The following TP63 variants were observed in gnomAD, a reference collection of about 807,000 sequenced individuals.
TP63 encodes the protein tumor protein p63.
In TP63, 17 loss-of-function variants were observed where a neutral mutation model predicts 82.8. The observed-to-expected ratio is 0.21, with a 90% confidence interval of 0.14 to 0.31. The LOEUF (loss-of-function observed/expected upper bound fraction) is 0.31, where lower values mean the gene tolerates loss of function less well. TP63 is among the 10% of genes least tolerant of loss of function. TP63 has a pLI of 1.00. For missense variants in TP63, 648 were observed against 895.3 expected, an observed-to-expected ratio of 0.72 and a Z score of 3.52; for synonymous variants, 330 against 321.7, an observed-to-expected ratio of 1.03 and a Z score of -0.28.
chr3:189,645,177 A>T lies in TP63; in HGVS notation c.62+13600A>T, dbSNP rs147756447. ...CCTAAAATGCTTACTTTCAAACTTGAAGGGACTTCAATTATTCCATGTAGT... is the reference window on the plus strand; with the variant it reads ...CCTAAAATGCTTACTTTCAAACTTGTAGGGACTTCAATTATTCCATGTAGT... On this transcript the variant is annotated intron_variant, in intron 1 of 13. Transcript: ENST00000264731. 1.6e-4 allele frequency: 36 copies of T among 224,588 alleles called. No individual in the cohort carries two copies. In the East Asian group the frequency reaches 2.8e-3, roughly 18 times the overall value. 13.9% of individuals were successfully genotyped at this position (224,588 alleles called of 1,614,324 possible). A position where few individuals can be genotyped will look rare whatever the true frequency, so the allele number is the denominator to read the frequency against.
At chr3:189,704,159 G>C (rs1340515835) in intron 1 of TP63, among the ~76,000 whole-genome samples, 1 of 152,210 alleles carries the variant, frequency 6.6e-6, no homozygotes, top group African/African-American at 2.4e-5. Flanking sequence ...GAGCTACAAT[G>C]GTGGGAGAAA....
chr3:189,814,550 A>G (rs938157882), intron 4 of TP63, among the ~76,000 whole-genome samples: 3 of 152,226 alleles, frequency 2.0e-5, no homozygotes, highest in Non-Finnish European at 4.4e-5. Context: ...TGCCACTCCC[A>G]TGATGAAGAA....
chr3:189,769,656 G>A (rs780301573), intron 3 of TP63, among the ~76,000 whole-genome samples: 9 of 152,224 alleles, frequency 5.9e-5, no homozygotes, highest in Non-Finnish European at 8.8e-5. Flanking sequence ...CATATAGGAT[G>A]TATCAAAAGA....
intron 1 of TP63, among the ~76,000 whole-genome samples, chr3:189,677,116 A>T (rs1415128059): frequency 6.6e-6 from 1 of 151,654 alleles, no homozygotes; most frequent in Non-Finnish European, 1.5e-5. Context: ...ACTTAAGATA[A>T]TGGCCTCTAG....
chr3:189,839,040 TAAAAA>T (rs5855274), intron 4 of TP63, among the ~76,000 whole-genome samples: 54 of 88,594 alleles, frequency 6.1e-4, no homozygotes, highest in African/African-American at 1.9e-3. Context: ...TATCCTAAGC[TAAAAA>T]AAAAAAAAAA....
intron 1 of TP63, among the ~76,000 whole-genome samples, chr3:189,643,849 T>G (rs1249571023): frequency 5.9e-5 from 9 of 152,192 alleles, no homozygotes; most frequent in African/African-American, 2.2e-4. Context: ...CACTGCTGTT[T>G]TGGGATCATA....
At chr3:189,735,237 T>G (rs1227912598) in intron 1 of TP63, among the ~76,000 whole-genome samples, 7 of 152,228 alleles carry the variant, frequency 4.6e-5, no homozygotes, top group African/African-American at 1.7e-4. Flanking sequence ...ACGTGCCTTT[T>G]CTCATTGCAC....
At chr3:189,872,183 A>G (rs1221447045) in intron 9 of TP63, among the ~76,000 whole-genome samples, 3 of 152,182 alleles carry the variant, frequency 2.0e-5, no homozygotes, top group Admixed American at 1.3e-4. Flanking sequence ...CAAAAATGGT[A>G]TTGGTGGATA....
intron 13 of TP63, among the ~76,000 whole-genome samples, chr3:189,893,844 T>C (rs1721256348): frequency 6.6e-6 from 1 of 152,196 alleles, no homozygotes; most frequent in Admixed American, 6.5e-5. Context: ...TGACATTCCA[T>C]TAATACCTTT....
the TP63 span, among the ~76,000 whole-genome samples, chr3:189,622,770 T>G: frequency 6.6e-6 from 1 of 152,214 alleles, no homozygotes; most frequent in African/African-American, 2.4e-5. Context: ...GATTGTAAGT[T>G]TGTTTCTTAA....
chr3:189,723,141 AC>A (rs1192551449), intron 1 of TP63, among the ~76,000 whole-genome samples: 1 of 152,064 alleles, frequency 6.6e-6, no homozygotes, highest in Non-Finnish European at 1.5e-5. Flanking sequence ...AAGTGGAGTA[AC>A]CTAAGGTAAA....
intron 4 of TP63, among the ~76,000 whole-genome samples, chr3:189,813,243 G>A (rs906880382): frequency 1.3e-5 from 2 of 152,292 alleles, no homozygotes; most frequent in African/African-American, 4.8e-5. Context: ...ACTACTGGAA[G>A]CAACCTGATC....
At chr3:189,718,799 T>C (rs567284602) in intron 1 of TP63, among the ~76,000 whole-genome samples, 6 of 152,160 alleles carry the variant, frequency 3.9e-5, no homozygotes, top group Admixed American at 3.9e-4. Context: ...GATGGGATTG[T>C]CATTTTTGGG....
intron 4 of TP63, among the ~76,000 whole-genome samples, chr3:189,857,650 C>T (rs1716452965): frequency 1.3e-5 from 2 of 152,060 alleles, no homozygotes; most frequent in Admixed American, 1.3e-4. Flanking sequence ...CAAAAGCAAC[C>T]TAACTGACAA....
chr3:189,734,800 A>T (rs1720453103), intron 1 of TP63, among the ~76,000 whole-genome samples: 6 of 152,166 alleles, frequency 3.9e-5, no homozygotes, highest in Admixed American at 3.9e-4. Flanking sequence ...AGTTCAAGAC[A>T]GTCCTCTCTA....
chr3:189,714,969 T>A (rs2108759789), intron 1 of TP63, among the ~76,000 whole-genome samples: 1 of 152,280 alleles, frequency 6.6e-6, no homozygotes, highest in Non-Finnish European at 1.5e-5. Context: ...TGCACGTAGT[T>A]AGCTATATTT....
intron 10 of TP63, chr3:189,880,826 T>C (rs946081906): frequency 1.0e-6 from 1 of 985,302 alleles, no homozygotes; most frequent in Non-Finnish European, 1.2e-6. Context: ...TCCCCTCATG[T>C]GTAGGTAGAA....
At chr3:189,730,724 C>A (rs1720102141) in intron 1 of TP63, among the ~76,000 whole-genome samples, 1 of 152,134 alleles carries the variant, frequency 6.6e-6, no homozygotes, top group African/African-American at 2.4e-5. Flanking sequence ...GGAGGAGGTC[C>A]CTCCAGGCCT....
Position 189,894,705 on chromosome 3 carries a change from A to C in TP63, c.*203A>C. The C allele has an allele frequency of 3.1e-6, 2 of 654,332 alleles. No homozygotes were observed. The highest frequency in any genetic ancestry group is 5.1e-6 in the Non-Finnish European group (2 of 389,854). The allele number at this position is 654,332 out of a possible 1,614,324, so 40.5% of individuals were successfully genotyped here. A position where few individuals can be genotyped will look rare whatever the true frequency, so the allele number is the denominator to read the frequency against. On this transcript the variant is annotated 3_prime_UTR_variant, in exon 14 of 14. Transcript: ENST00000264731. Reference sequence around the variant, plus strand: ...ATTCTGGCTTTAAGCCTTCAAAACTATAGCTTGCAGAACTGTAGCTGCCAT... The same window carrying C: ...ATTCTGGCTTTAAGCCTTCAAAACTCTAGCTTGCAGAACTGTAGCTGCCAT...
Sources: gnomAD v4.1 joint callset for allele counts (sites outside exome capture counted in the v4.1 genomes callset) on GRCh38, gnomAD v4.1.1 for gene constraint, MANE v1.5 for transcripts, NCBI Gene and HGNC (gene_info 2026-07-23, HGNC 2026-07-21) for gene names.